Variants in ZMYM2 observed in about 807,000 individuals in gnomAD.
ZMYM2 encodes the protein zinc finger MYM-type containing 2, also known as zinc finger MYM-type protein 2.
Under a neutral mutation model 162.8 loss-of-function variants are expected in ZMYM2, and 56 were observed. The ratio of observed to expected loss-of-function variants is 0.34; its 90% CI spans 0.28 to 0.43. ZMYM2 has a LOEUF of 0.43. Among genes scored for constraint, ZMYM2 ranks in the 20% least tolerant of loss-of-function variants. ZMYM2 has a pLI of 1.00. For missense variants in ZMYM2, 1,275 were observed against 1,621.8 expected (o/e 0.79, Z 3.67); for synonymous variants, 510 against 541.6 (o/e 0.94, Z 0.81).
chr13:19,885,423 G>A, the ZMYM2 span, among the ~76,000 whole-genome samples: 3 of 152,156 alleles, frequency 2.0e-5, no homozygotes, highest in Non-Finnish European at 4.4e-5. Context: ...ATTGGTTCTA[G>A]TGTGCATTAT....
Position 19,993,052 on chromosome 13 carries a change from C to T in ZMYM2, c.-10-11C>T, listed in dbSNP as rs1372427222. ...CTGACATTTTAATTCTTTTTTCTAT[C>T]TTCCTAACAGGTTCTTTGGCATGGA... On this transcript the variant is annotated splice_polypyrimidine_tract_variant and intron_variant, in intron 2 of 24. Coordinates refer to ENST00000610343, the MANE Select transcript of ZMYM2 (RefSeq NM_197968.4). 1.9e-6 allele frequency: 3 copies of T among 1,558,886 alleles called. No individual in the cohort carries two copies. In the Admixed American group the frequency reaches 6.2e-5, roughly 32 times the overall value.
At chr13:20,046,607 G>GTGTGTGTGTGTGTA (rs781273129) in intron 12 of ZMYM2, among the ~76,000 whole-genome samples, 3 of 104,372 alleles carry the variant, frequency 2.9e-5, no homozygotes, top group African/African-American at 1.2e-4. Flanking sequence ...GTGTGTGTGT[G>GTGTGTGTGTGTGTA]TATATATATG....
chr13:20,056,600 C>T (rs1488226349), intron 14 of ZMYM2, among the ~76,000 whole-genome samples: 7 of 152,134 alleles, frequency 4.6e-5, no homozygotes, highest in Non-Finnish European at 7.4e-5. Context: ...TTGATTATGG[C>T]GACACAACCT....
In ZMYM2 at chr13:20,027,296, C is replaced by A; in HGVS notation, c.1829C>A (p.Ser610Tyr). 1 of 1,573,058 alleles carries A rather than the reference C, an allele frequency of 6.4e-7. No homozygotes were observed. The highest frequency in any genetic ancestry group is 1.2e-5 in the South Asian group (1 of 85,944). Residue 610 changes from serine to tyrosine, a missense_variant, in exon 9 of 25, where the codon TCC becomes TAC. Physicochemically the swap from Ser to Tyr is moderately radical, Grantham distance 144. Around this residue, in one of 10 missense-constraint regions of ZMYM2, gnomAD observed 276 missense variants for 311.8 expected, o/e 0.89. Coordinates refer to ENST00000610343, the MANE Select transcript of ZMYM2 (RefSeq NM_197968.4). The stretch of plus-strand genomic sequence containing the variant: ...GGAAAACTGTACAACTTTTGCAATT[C>A]CAGTTGTGTGGCTAAATTTCAGGTT... ...PDGKLYNFCN[S>Y]SCVAKFQALS... is the part of the protein sequence containing the mutation.
At chr13:20,015,937 A>C (rs1195947368) in intron 6 of ZMYM2, among the ~76,000 whole-genome samples, 1 of 152,112 alleles carries the variant, frequency 6.6e-6, no homozygotes, top group Non-Finnish European at 1.5e-5. Flanking sequence ...TCCGATCAAA[A>C]AGCAGAAATT....
At chr13:20,051,092 A>G (rs1955282686) in intron 12 of ZMYM2, among the ~76,000 whole-genome samples, 1 of 152,056 alleles carries the variant, frequency 6.6e-6, no homozygotes, top group Non-Finnish European at 1.5e-5. Context: ...TAATGATTGT[A>G]GGAGACAATT....
intron 21 of ZMYM2, 107 bp downstream of exon 21, chr13:20,067,497 A>G (rs1956770391): frequency 8.5e-7 from 1 of 1,172,288 alleles, no homozygotes; most frequent in African/African-American, 1.5e-5. Flanking sequence ...CAAGAAACAC[A>G]TCTACAAAGT....
At chr13:20,037,008 G>A in intron 12 of ZMYM2, 99 bp downstream of exon 12, 1 of 1,205,760 alleles carries the variant, frequency 8.3e-7, no homozygotes, top group Non-Finnish European at 1.1e-6. Context: ...TTTTAAAAAT[G>A]TACACACTTA....
chr13:19,964,802 T>C (rs1955591457), intron 2 of ZMYM2, among the ~76,000 whole-genome samples: 1 of 152,164 alleles, frequency 6.6e-6, no homozygotes, highest in Admixed American at 6.5e-5. Context: ...TAAAGAGTTT[T>C]TAAAAATTTA....
chr13:19,880,029 C>T, the ZMYM2 span, among the ~76,000 whole-genome samples: 2 of 152,266 alleles, frequency 1.3e-5, no homozygotes, highest in East Asian at 3.9e-4. Flanking sequence ...GAAATTGGAG[C>T]TCTTGGTCTT....
At chr13:19,902,097 C>T in the ZMYM2 span, among the ~76,000 whole-genome samples, 2 of 152,060 alleles carry the variant, frequency 1.3e-5, no homozygotes, top group African/African-American at 2.4e-5. Context: ...CCTGAATGAA[C>T]CTTAACAATA....
the ZMYM2 span, among the ~76,000 whole-genome samples, chr13:19,891,786 T>A: frequency 3.3e-5 from 5 of 151,674 alleles, no homozygotes; most frequent in Non-Finnish European, 5.9e-5. Context: ...CTAAAAAAAA[T>A]AAATAAATCA....
At chr13:19,913,749 A>C in the ZMYM2 span, among the ~76,000 whole-genome samples, 2 of 152,182 alleles carry the variant, frequency 1.3e-5, no homozygotes, top group Non-Finnish European at 2.9e-5. Flanking sequence ...AAACAAAAGC[A>C]ACCACAACAA....
intron 2 of ZMYM2, chr13:19,969,981 C>G (rs9508985): frequency 1 from 931,906 of 935,540 alleles, 464,226 homozygotes; most frequent in East Asian, 1. Flanking sequence ...TATTGGATCT[C>G]TGGTCTCATT....
intron 12 of ZMYM2, among the ~76,000 whole-genome samples, chr13:20,046,705 A>G (rs760967412): frequency 3.4e-4 from 52 of 150,978 alleles, no homozygotes; most frequent in Non-Finnish European, 7.1e-4. Flanking sequence ...GTGTGTGTAT[A>G]TATATATTAA....
chr13:19,978,279 A>G (rs1363583556), intron 2 of ZMYM2, among the ~76,000 whole-genome samples: 1 of 152,330 alleles, frequency 6.6e-6, no homozygotes, highest in East Asian at 1.9e-4. Flanking sequence ...ATAATAACAT[A>G]TTGCAAATAA....
intron 12 of ZMYM2, among the ~76,000 whole-genome samples, chr13:20,042,157 A>G (rs547809894): frequency 7.8e-4 from 119 of 152,260 alleles, no homozygotes; most frequent in Non-Finnish European, 8.7e-4. Context: ...ATGTTTTCCA[A>G]GTTGCTTATA....
chr13:19,932,607 T>C, the ZMYM2 span, among the ~76,000 whole-genome samples: 3 of 151,542 alleles, frequency 2.0e-5, no homozygotes, highest in Admixed American at 1.3e-4. Context: ...GATCATAGCA[T>C]TGCACTCCAG....
upstream of ZMYM2, among the ~76,000 whole-genome samples, chr13:19,957,271 T>G (rs1332116081): frequency 6.6e-6 from 1 of 152,214 alleles, no homozygotes; most frequent in African/African-American, 2.4e-5. Context: ...TTCATCAATA[T>G]TGTGTTGAAC....
Sources: gnomAD v4.1 joint callset for allele counts (sites outside exome capture counted in the v4.1 genomes callset) on GRCh38, gnomAD v4.1.1 for gene constraint, gnomAD v4.1.1 regional missense constraint, MANE v1.5 for transcripts, NCBI Gene and HGNC (gene_info 2026-07-23, HGNC 2026-07-21) for gene names.